Variants in CPNE8 observed in about 807,000 individuals in gnomAD.
The protein encoded by CPNE8 is copine-8.
Under a neutral mutation model 81.5 loss-of-function variants are expected in CPNE8, and 45 were observed. The ratio of observed to expected loss-of-function variants is 0.55; its 90% CI spans 0.44 to 0.71. CPNE8 has a LOEUF of 0.71. Ranked by LOEUF, CPNE8 falls within the 30% of genes least tolerant of loss-of-function variation. CPNE8 has a pLI of 0.00. For missense variants in CPNE8, 594 were observed against 672.1 expected (o/e 0.88, Z 1.28); for synonymous variants, 252 against 226.3 (o/e 1.11, Z -1.02).
chr12:38,902,294 G>GAAAA, intron 1 of CPNE8, among the ~76,000 whole-genome samples: 1 of 89,778 alleles, frequency 1.1e-5, no homozygotes, highest in African/African-American at 5.5e-5. Context: ...AAGGAAGGAA[G>GAAAA]GAAAGGAAGG....
chr12:38,700,324 C>T (rs188798466), intron 14 of CPNE8, among the ~76,000 whole-genome samples: 115 of 150,564 alleles, frequency 7.6e-4, no homozygotes, highest in African/African-American at 2.7e-3. Context: ...CTGCAACATC[C>T]GCCTCCCAGG....
At chr12:38,854,868 T>G (rs1179385893) in intron 3 of CPNE8, among the ~76,000 whole-genome samples, 1 of 152,068 alleles carries the variant, frequency 6.6e-6, no homozygotes, top group African/African-American at 2.4e-5. Flanking sequence ...ACTCTCACAC[T>G]TCTACTTAAC....
At chr12:38,783,654 G>T (rs1457350638) in intron 6 of CPNE8, among the ~76,000 whole-genome samples, 2 of 152,172 alleles carry the variant, frequency 1.3e-5, no homozygotes, top group Non-Finnish European at 2.9e-5. Flanking sequence ...CCAAGCTTCA[G>T]GTGGCTCAGA....
intron 10 of CPNE8, among the ~76,000 whole-genome samples, chr12:38,743,910 G>A (rs1023744606): frequency 3.3e-5 from 5 of 152,130 alleles, no homozygotes; most frequent in Non-Finnish European, 7.4e-5. Flanking sequence ...TTTATTGGCA[G>A]TGACAATACA....
chr12:38,734,713 A>G (rs1719853), intron 10 of CPNE8, among the ~76,000 whole-genome samples: 83,955 of 151,844 alleles, frequency 0.55, 23,777 homozygotes, highest in East Asian at 0.81. Context: ...GAATTCATTT[A>G]ATTCTTTCTA....
intron 18 of CPNE8, among the ~76,000 whole-genome samples, chr12:38,671,567 A>G (rs1939176640): frequency 6.6e-6 from 1 of 152,176 alleles, no homozygotes. Flanking sequence ...AATTAATTAC[A>G]TGAGGAATGC....
At chr12:38,771,550 A>G (rs1346641086) in intron 7 of CPNE8, among the ~76,000 whole-genome samples, 2 of 152,218 alleles carry the variant, frequency 1.3e-5, no homozygotes, top group Non-Finnish European at 2.9e-5. Flanking sequence ...AATTAAATAT[A>G]AAATTTGCAT....
chr12:38,807,146 G>A (rs1163124083), intron 6 of CPNE8, among the ~76,000 whole-genome samples: 2 of 151,862 alleles, frequency 1.3e-5, no homozygotes, highest in African/African-American at 4.8e-5. Context: ...TGGGTAGGAA[G>A]AATCAATATC....
At chr12:38,903,248 G>A (rs990242733) in intron 1 of CPNE8, among the ~76,000 whole-genome samples, 5 of 152,170 alleles carry the variant, frequency 3.3e-5, no homozygotes, top group African/African-American at 1.2e-4. Flanking sequence ...AGCTGAGTCA[G>A]AAGCAACTCA....
intron 10 of CPNE8, among the ~76,000 whole-genome samples, chr12:38,758,147 A>ACTCTCTCTCT (rs34541514): frequency 3.4e-5 from 5 of 149,112 alleles, no homozygotes; most frequent in African/African-American, 1.2e-4. Flanking sequence ...CTGTGAACAA[A>ACTCTCTCTCT]CTCTCTCTCT....
intron 6 of CPNE8, among the ~76,000 whole-genome samples, chr12:38,823,255 T>C (rs1943134876): frequency 6.6e-6 from 1 of 152,184 alleles, no homozygotes; most frequent in African/African-American, 2.4e-5. Flanking sequence ...TTCCTCTCCC[T>C]GCTTTCATCT....
intron 14 of CPNE8, among the ~76,000 whole-genome samples, chr12:38,694,960 T>C (rs1225035208): frequency 6.6e-6 from 1 of 152,224 alleles, no homozygotes; most frequent in Non-Finnish European, 1.5e-5. Flanking sequence ...AATATTTTTG[T>C]CCTAAAAACA....
At chr12:38,823,117 T>C (rs992457709) in intron 6 of CPNE8, among the ~76,000 whole-genome samples, 2 of 152,172 alleles carry the variant, frequency 1.3e-5, no homozygotes, top group African/African-American at 4.8e-5. Flanking sequence ...AAAGCCTAAC[T>C]TTCAGGATAA....
At chr12:38,770,098 C>T (rs1941771161) in intron 7 of CPNE8, among the ~76,000 whole-genome samples, 1 of 152,174 alleles carries the variant, frequency 6.6e-6, no homozygotes, top group Non-Finnish European at 1.5e-5. Context: ...TCACCTAATA[C>T]ATTTTTTAAG....
rs575746426 is a variant in CPNE8 at position 38,900,558 on chromosome 12, T to C, written c.98+4879A>G. ...ATGACACTGGCACACCTCAGCTACTTTGGGACTAATCCAGTTTAGGAGCAC... is the reference window on the plus strand; with the variant it reads ...ATGACACTGGCACACCTCAGCTACTCTGGGACTAATCCAGTTTAGGAGCAC... On this transcript the variant is annotated intron_variant, in intron 1 of 19. Transcript: ENST00000331366. 7.2e-5 allele frequency among the ~76,000 whole-genome samples: 11 copies of C among 152,178 alleles called. No homozygotes were observed. In the South Asian group the frequency reaches 2.1e-3, roughly 29 times the overall value.
chr12:38,892,716 G>C (rs754146770), intron 1 of CPNE8, among the ~76,000 whole-genome samples: 1 of 152,200 alleles, frequency 6.6e-6, no homozygotes, highest in Non-Finnish European at 1.5e-5. Context: ...AAGCACACAA[G>C]ACTGAATCCA....
intron 15 of CPNE8, among the ~76,000 whole-genome samples, chr12:38,689,010 G>T (rs1449076496): frequency 6.6e-6 from 1 of 152,146 alleles, no homozygotes; most frequent in Non-Finnish European, 1.5e-5. Flanking sequence ...AAATAATTAT[G>T]CAGGGAATCA....
chr12:38,672,617 G>A lies in CPNE8; in HGVS notation c.1433-1815C>T, dbSNP rs115723337. On this transcript the variant is annotated intron_variant, in intron 18 of 19. Coordinates refer to ENST00000331366, the MANE Select transcript of CPNE8 (RefSeq NM_153634.3). ...TTTATTTATCCCCTTCGTCTAACTC[G>A]AATCAAAGCAGATAGCCAGATGCTG... 1.4e-3 allele frequency among the ~76,000 whole-genome samples: 211 copies of A among 152,268 alleles called. 1 individual carries two copies. Among genetic ancestry groups the A allele is most frequent in the African/African-American group, 4.7e-3 (194 of 41,558 alleles).
chr12:38,752,628 G>C (rs963621289), intron 10 of CPNE8, among the ~76,000 whole-genome samples: 1 of 152,194 alleles, frequency 6.6e-6, no homozygotes, highest in Non-Finnish European at 1.5e-5. Flanking sequence ...GGCAGATTTA[G>C]TGGTGAAATT....
Sources: gnomAD v4.1 joint callset for allele counts (sites outside exome capture counted in the v4.1 genomes callset) on GRCh38, gnomAD v4.1.1 for gene constraint, MANE v1.5 for transcripts, NCBI Gene and HGNC (gene_info 2026-07-23, HGNC 2026-07-21) for gene names.